The following FBXL17 variants were observed in gnomAD, a reference collection of about 807,000 sequenced individuals.
The protein encoded by FBXL17 is F-box and leucine rich repeat protein 17, also known as F-box/LRR-repeat protein 17.
In FBXL17, 22 loss-of-function variants were observed where a neutral mutation model predicts 66.2. That is an observed-to-expected ratio of 0.33 (90% confidence interval 0.24 to 0.47). The LOEUF (loss-of-function observed/expected upper bound fraction) is 0.47. Among genes scored for constraint, FBXL17 ranks in the 20% least tolerant of loss-of-function variants. The pLI is 1.00. For missense variants in FBXL17, 878 were observed against 948.2 expected (o/e 0.93, Z 0.97); for synonymous variants, 474 against 400.5 (o/e 1.18, Z -2.19).
intron 6 of FBXL17, among the ~76,000 whole-genome samples, chr5:108,170,848 A>G (rs1393112369): frequency 6.6e-6 from 1 of 152,150 alleles, no homozygotes; most frequent in Non-Finnish European, 1.5e-5. Context: ...AAGACTTTTT[A>G]TCAAAAGACG....
chr5:108,140,714 C>T (rs1382437166), intron 6 of FBXL17, among the ~76,000 whole-genome samples: 1 of 152,128 alleles, frequency 6.6e-6, no homozygotes, highest in African/African-American at 2.4e-5. Context: ...CCAGGTTCTA[C>T]TCCGTACATT....
chr5:107,927,850 C>T (rs756659264), intron 7 of FBXL17, among the ~76,000 whole-genome samples: 22 of 152,030 alleles, frequency 1.4e-4, no homozygotes, highest in Non-Finnish European at 2.5e-4. Flanking sequence ...CAAGAGTGAA[C>T]GAGGTTGCAC....
intron 6 of FBXL17, among the ~76,000 whole-genome samples, chr5:108,175,166 G>C (rs1752752968): frequency 1.3e-5 from 2 of 152,038 alleles, no homozygotes; most frequent in African/African-American, 4.8e-5. Context: ...CTCCCAACAC[G>C]AATGTATTAA....
intron 4 of FBXL17, among the ~76,000 whole-genome samples, chr5:108,243,318 T>G (rs1755946310): frequency 1.3e-5 from 2 of 152,208 alleles, no homozygotes; most frequent in South Asian, 4.1e-4. Flanking sequence ...AATTTAATAT[T>G]GAGATAATCC....
chr5:108,122,697 G>A lies in FBXL17; in HGVS notation c.1745+63420C>T, dbSNP rs188067742. ...TGAGTAACATATACTCAAAGTCAGG[G>A]AGGCAAATGCAAATGACTCTTAATA... On this transcript the variant is annotated intron_variant, in intron 6 of 8. Transcript: ENST00000542267. Among the ~76,000 whole-genome samples the A allele has an allele frequency of 4.0e-3, 604 of 152,256 alleles. 6 individuals are homozygous for A. The highest frequency in any genetic ancestry group is 0.014 in the African/African-American group (567 of 41,550).
At chr5:107,965,191 G>A (rs1752075301) in intron 7 of FBXL17, among the ~76,000 whole-genome samples, 1 of 152,064 alleles carries the variant, frequency 6.6e-6, no homozygotes, top group Admixed American at 6.6e-5. Flanking sequence ...TTTCATTGAT[G>A]TCTTTTAAGC....
intron 6 of FBXL17, among the ~76,000 whole-genome samples, chr5:108,111,677 T>C (rs1750040145): frequency 6.6e-6 from 1 of 152,216 alleles, no homozygotes; most frequent in African/African-American, 2.4e-5. Flanking sequence ...TTAATCTCAG[T>C]CAGTGTAAAA....
intron 7 of FBXL17, among the ~76,000 whole-genome samples, chr5:107,982,910 C>T (rs288193): frequency 0.14 from 21,781 of 152,078 alleles, 1,960 homozygotes; most frequent in East Asian, 0.29. Context: ...TGCCCCACTG[C>T]TACGTTTGGC....
At chr5:107,932,168 T>C (rs1301340776) in intron 7 of FBXL17, among the ~76,000 whole-genome samples, 1 of 152,224 alleles carries the variant, frequency 6.6e-6, no homozygotes, top group African/African-American at 2.4e-5. Context: ...ATGTCTCATT[T>C]AGTACTTTGC....
At chr5:107,985,584 T>G (rs1396117263) in intron 7 of FBXL17, among the ~76,000 whole-genome samples, 1 of 152,228 alleles carries the variant, frequency 6.6e-6, no homozygotes, top group Non-Finnish European at 1.5e-5. Flanking sequence ...TTTTCTACAC[T>G]GCTGAGAAAC....
At chr5:108,054,669 T>TA (rs542651619) in intron 6 of FBXL17, among the ~76,000 whole-genome samples, 64 of 152,294 alleles carry the variant, frequency 4.2e-4, no homozygotes, top group African/African-American at 1.5e-3. Flanking sequence ...GGTTATTATC[T>TA]AAAAGATTTT....
intron 4 of FBXL17, among the ~76,000 whole-genome samples, chr5:108,252,508 A>G (rs576814643): frequency 1.2e-3 from 184 of 152,178 alleles, no homozygotes; most frequent in Non-Finnish European, 2.3e-3. Context: ...ATTATTTTCA[A>G]ATTGCTTCTA....
At chr5:108,248,702 A>G (rs1455041096) in intron 4 of FBXL17, among the ~76,000 whole-genome samples, 1 of 152,158 alleles carries the variant, frequency 6.6e-6, no homozygotes, top group African/African-American at 2.4e-5. Flanking sequence ...TGAAAGCAGT[A>G]AGATCTCTCT....
intron 7 of FBXL17, among the ~76,000 whole-genome samples, chr5:107,953,163 G>A (rs1751552217): frequency 6.6e-6 from 1 of 152,064 alleles, no homozygotes; most frequent in South Asian, 2.1e-4. Flanking sequence ...AGCACTTTGG[G>A]ACGCCAAGGT....
intron 6 of FBXL17, among the ~76,000 whole-genome samples, chr5:108,093,115 C>T (rs1187391106): frequency 6.6e-6 from 1 of 152,054 alleles, no homozygotes; most frequent in Non-Finnish European, 1.5e-5. Flanking sequence ...ATGCATCATG[C>T]ATACTTCCAA....
intron 7 of FBXL17, among the ~76,000 whole-genome samples, chr5:108,018,347 G>C (rs919725791): frequency 5.3e-5 from 8 of 152,244 alleles, no homozygotes; most frequent in African/African-American, 1.2e-4. Flanking sequence ...ATAGGGTAGG[G>C]GGGACACAGT....
chr5:108,319,626 C>CT (rs1759526346), intron 4 of FBXL17, among the ~76,000 whole-genome samples: 1 of 151,114 alleles, frequency 6.6e-6, no homozygotes, highest in African/African-American at 2.4e-5. Flanking sequence ...ATATGTAACC[C>CT]TAGGAATCGT....
chr5:108,061,163 T>G (rs891569349), intron 6 of FBXL17, among the ~76,000 whole-genome samples: 1 of 152,028 alleles, frequency 6.6e-6, no homozygotes, highest in Non-Finnish European at 1.5e-5. Context: ...GGTGCATGCC[T>G]GTAATCCCAG....
intron 6 of FBXL17, among the ~76,000 whole-genome samples, chr5:108,090,370 T>C (rs10077197): frequency 1.7e-3 from 261 of 152,300 alleles, no homozygotes; most frequent in Middle Eastern, 6.8e-3. Flanking sequence ...CCTACCCAAA[T>C]AGCCTGAATC....
Sources: allele counts gnomAD v4.1 joint callset (sites outside exome capture counted in the v4.1 genomes callset), GRCh38; gene constraint gnomAD v4.1.1; transcripts MANE v1.5; gene names NCBI Gene and HGNC (gene_info 2026-07-23, HGNC 2026-07-21).